The following COG5 variants were observed in gnomAD, a reference collection of about 807,000 sequenced individuals.
The protein encoded by COG5 is conserved oligomeric Golgi complex subunit 5.
Under a neutral mutation model 110.4 loss-of-function variants are expected in COG5, and 86 were observed. The observed-to-expected ratio is 0.78, with a 90% CI of 0.65 to 0.93. The LOEUF is 0.93. COG5 is among the 40% of genes least tolerant of loss of function. The pLI, the probability that COG5 is intolerant of heterozygous loss-of-function variation, is 0.00. For missense variants in COG5, 1,077 were observed against 987.0 expected, an observed-to-expected ratio of 1.09 and a Z score of -1.22; for synonymous variants, 360 against 334.6, an observed-to-expected ratio of 1.08 and a Z score of -0.83.
At chr7:107,399,063 G>A (rs749466297) in intron 7 of COG5, among the ~76,000 whole-genome samples, 9 of 152,044 alleles carry the variant, frequency 5.9e-5, no homozygotes, top group African/African-American at 2.2e-4. Flanking sequence ...TTAGCTAGGT[G>A]TGGTGGCATG....
intron 6 of COG5, chr7:107,472,334 A>G (rs1796683625): frequency 6.6e-6 from 1 of 151,906 alleles, no homozygotes; most frequent in Non-Finnish European, 1.5e-5. Context: ...TGTCAATGAT[A>G]TCATGTATCA....
intron 5 of COG5, among the ~76,000 whole-genome samples, chr7:107,544,062 C>G (rs1338174863): frequency 6.6e-6 from 1 of 152,152 alleles, no homozygotes; most frequent in Non-Finnish European, 1.5e-5. Context: ...GCTCCAGGCA[C>G]AAAGCAAGCA....
rs543525078 is a variant in COG5 at position 107,520,218 on chromosome 7, C to A, written c.538+7019G>T. 2.0e-5 allele frequency among the ~76,000 whole-genome samples: 3 copies of A among 152,264 alleles called. No homozygotes were observed. In the South Asian group the frequency reaches 6.2e-4, roughly 32 times the overall value. ...TAAATGGGCAAAAGCTGGAAGCATT[C>A]CCTTTGAAAACAGGCACAAGACAAG... On this transcript the variant is annotated intron_variant, in intron 6 of 21. Coordinates refer to ENST00000297135, the MANE Select transcript of COG5 (RefSeq NM_006348.5).
intron 10 of COG5, among the ~76,000 whole-genome samples, chr7:107,336,384 G>A (rs1397817727): frequency 6.6e-6 from 1 of 151,932 alleles, no homozygotes; most frequent in Non-Finnish European, 1.5e-5. Flanking sequence ...ACCAGATGCT[G>A]GAAAAAATCG....
intron 7 of COG5, among the ~76,000 whole-genome samples, chr7:107,409,533 A>G (rs1792122598): frequency 6.6e-6 from 1 of 152,128 alleles, no homozygotes; most frequent in Admixed American, 6.5e-5. Context: ...TGAAGTAAAC[A>G]GACTAGGAAA....
At chr7:107,432,002 A>G (rs1351062469) in intron 6 of COG5, among the ~76,000 whole-genome samples, 1 of 151,974 alleles carries the variant, frequency 6.6e-6, no homozygotes, top group Non-Finnish European at 1.5e-5. Flanking sequence ...AGCCTAAAGA[A>G]CTGCTATTTT....
At position 107,474,110 on chromosome 7, in the gene COG5, T is replaced by C; in HGVS notation, c.538+53127A>G. ...ATCAACATGCAGTCTGAATCTAACA[T>C]TACAGTGCGAGATGACATTGATGAC... On this transcript the variant is annotated intron_variant, in intron 6 of 21. Coordinates refer to ENST00000297135, the MANE Select transcript of COG5 (RefSeq NM_006348.5). The surrounding 1 kb of genome is among the most constrained non-coding windows in gnomAD (Gnocchi z 5.7). The C allele has an allele frequency of 1.2e-6, 2 of 1,606,944 alleles. No homozygotes were observed. Among genetic ancestry groups the C allele is most frequent in the Non-Finnish European group, 1.7e-6 (2 of 1,175,458 alleles).
At chr7:107,540,925 C>T (rs1007299607) in intron 5 of COG5, among the ~76,000 whole-genome samples, 8 of 151,674 alleles carry the variant, frequency 5.3e-5, no homozygotes, top group African/African-American at 9.7e-5. Flanking sequence ...CTGAGGCAGG[C>T]GGATCACCTG....
intron 7 of COG5, among the ~76,000 whole-genome samples, chr7:107,409,542 A>T (rs952790686): frequency 6.6e-6 from 1 of 152,214 alleles, no homozygotes; most frequent in Non-Finnish European, 1.5e-5. Context: ...CAGACTAGGA[A>T]ATAGTTACAT....
At chr7:107,391,030 T>C (rs185529281) in intron 7 of COG5, among the ~76,000 whole-genome samples, 1 of 152,218 alleles carries the variant, frequency 6.6e-6, no homozygotes, top group East Asian at 1.9e-4. Context: ...AAAAAGCTTG[T>C]TTACTCATGT....
chr7:107,238,777 C>T (rs1425893896), intron 17 of COG5, among the ~76,000 whole-genome samples: 2 of 152,154 alleles, frequency 1.3e-5, no homozygotes, highest in Non-Finnish European at 2.9e-5. Flanking sequence ...CACATATCTA[C>T]TGGCCATTTG....
At chr7:107,250,762 GTAGAAGAAT>G (rs1430878757) in intron 16 of COG5, among the ~76,000 whole-genome samples, 5 of 152,150 alleles carry the variant, frequency 3.3e-5, no homozygotes, top group African/African-American at 1.2e-4. Context: ...GATAGGCTTC[GTAGAAGAAT>G]TATACGTAGA....
At chr7:107,353,519 T>A (rs1380404579) in intron 10 of COG5, among the ~76,000 whole-genome samples, 1 of 151,726 alleles carries the variant, frequency 6.6e-6, no homozygotes, top group Non-Finnish European at 1.5e-5. Flanking sequence ...TATAAATATA[T>A]CTTTTCAAAT....
At chr7:107,294,459 C>G (rs561584781) in intron 12 of COG5, among the ~76,000 whole-genome samples, 4 of 152,286 alleles carry the variant, frequency 2.6e-5, no homozygotes, top group Admixed American at 6.5e-5. Context: ...GCTGGCCCCC[C>G]CTAAGTTGTC....
intron 10 of COG5, among the ~76,000 whole-genome samples, chr7:107,342,380 A>C (rs1395285150): frequency 1.3e-5 from 2 of 151,298 alleles, no homozygotes; most frequent in African/African-American, 2.4e-5. Context: ...AAAAAAAAAA[A>C]AAAAAACACA....
chr7:107,486,460 A>G (rs1797663087), intron 6 of COG5, among the ~76,000 whole-genome samples: 1 of 152,166 alleles, frequency 6.6e-6, no homozygotes, highest in Admixed American at 6.5e-5. Context: ...CAATGTCTTC[A>G]TATTTTTCAA....
At position 107,298,153 on chromosome 7, in the gene COG5, C is replaced by T. The variant is rs200021706; in HGVS notation, c.1302G>A (p.Lys434=). ...DDAQDIFIPK[K]PDYDPEKALK... ...TTAAACAAACATACTCATAATCTGGCTTTTTTGGTATGAATATATCTTGTG... is the reference window on the plus strand; with the variant it reads ...TTAAACAAACATACTCATAATCTGGTTTTTTTGGTATGAATATATCTTGTG... The change falls in exon 12 of 22, where the codon AAG becomes AAA. Residue 434 remains lysine, a synonymous_variant. Transcript: ENST00000297135. 1.3e-4 allele frequency: 207 copies of T among 1,569,190 alleles called. No individual in the cohort carries two copies. The highest frequency in any genetic ancestry group is 1.7e-4 in the Non-Finnish European group (195 of 1,155,480).
At chr7:107,548,415 T>C (rs898798168) in intron 3 of COG5, 83 bp from the exon 4 acceptor site, 4 of 1,276,218 alleles carry the variant, frequency 3.1e-6, no homozygotes, top group Non-Finnish European at 4.6e-6. Context: ...AGAAAATACA[T>C]GCATATATAA....
chr7:107,212,396 C>A (rs1363825736), intron 19 of COG5, among the ~76,000 whole-genome samples: 1 of 152,234 alleles, frequency 6.6e-6, no homozygotes, highest in South Asian at 2.1e-4. Context: ...CCTTGAAAAT[C>A]TGCAAGGTCC....
Sources: allele counts gnomAD v4.1 joint callset (sites outside exome capture counted in the v4.1 genomes callset), GRCh38; gene constraint gnomAD v4.1.1; non-coding constraint Gnocchi (gnomAD v3.1); transcripts MANE v1.5; gene names NCBI Gene and HGNC (gene_info 2026-07-23, HGNC 2026-07-21).